Variants in PLA2G6 observed in about 807,000 individuals in gnomAD.
The protein encoded by PLA2G6 is 85/88 kDa calcium-independent phospholipase A2.
Under a neutral mutation model 83.8 loss-of-function variants are expected in PLA2G6, and 62 were observed. The ratio of observed to expected loss-of-function variants is 0.74; its 90% CI spans 0.60 to 0.91. PLA2G6 has a LOEUF of 0.91. Among genes scored for constraint, PLA2G6 ranks in the 40% least tolerant of loss-of-function variants. The pLI, the probability that PLA2G6 is intolerant of heterozygous loss-of-function variation, is 0.00. For missense variants in PLA2G6, 944 were observed against 1,102.0 expected (o/e 0.86, Z 2.03); for synonymous variants, 417 against 449.8 (o/e 0.93, Z 0.92).
intron 2 of PLA2G6, 131 bp from the exon 3 acceptor site, chr22:38,145,784 AACACACACACACACACAC>A (rs132936): frequency 2.8e-4 from 135 of 484,256 alleles, no homozygotes; most frequent in South Asian, 4.4e-4. Context: ...CTCCCAAGCA[AACACACACACACACACAC>A]ACACACACAC....
At chr22:38,144,637 A>G (rs1425401791) in intron 3 of PLA2G6, 29 of 130,904 alleles carry the variant, frequency 2.2e-4, no homozygotes, top group Admixed American at 2.1e-3. Context: ...CGTCTCAAAA[A>G]AAAAAAAAAA....
At chr22:38,177,042 CAAA>C (rs11471646) in intron 1 of PLA2G6, among the ~76,000 whole-genome samples, 3 of 129,412 alleles carry the variant, frequency 2.3e-5, no homozygotes, top group Admixed American at 1.6e-4. Context: ...GAGACTGTCT[CAAA>C]AAAAAAAAAA....
At chr22:38,112,334 C>A (rs1392426353) in intron 16 of PLA2G6, 29 bp from the exon 17 acceptor site, 2 of 1,610,682 alleles carry the variant, frequency 1.2e-6, no homozygotes, top group Non-Finnish European at 1.7e-6. Flanking sequence ...AGGGGGTCAC[C>A]CTAGGATGCT....
At chr22:38,131,642 G>A (rs982200478) in intron 7 of PLA2G6, 1 of 153,730 alleles carries the variant, frequency 6.5e-6, no homozygotes, top group Non-Finnish European at 1.4e-5. Flanking sequence ...TCAGCCTTTT[G>A]GGCAACAACA....
chr22:38,116,930 GA>G (rs934480252), intron 12 of PLA2G6, among the ~76,000 whole-genome samples: 3 of 147,616 alleles, frequency 2.0e-5, no homozygotes, highest in Non-Finnish European at 4.5e-5. Flanking sequence ...AGATGAAATG[GA>G]CACATTCCTA....
chr22:38,133,945 C>G (rs1401407653), intron 6 of PLA2G6: 1 of 152,108 alleles, frequency 6.6e-6, no homozygotes, highest in Non-Finnish European at 1.5e-5. Context: ...AAGTATTGAC[C>G]CTGGGTGTGT....
In PLA2G6 at chr22:38,132,529, C is replaced by T. The variant is rs1454375655; in HGVS notation, c.1077+302G>A. 5.8e-6 allele frequency: 3 copies of T among 513,850 alleles called. No homozygotes were observed. The highest frequency in any genetic ancestry group is 1.9e-5 in the African/African-American group (1 of 52,202). The allele number at this position is 513,850 out of a possible 1,614,324, so 31.8% of individuals were successfully genotyped here. On this transcript the variant is annotated intron_variant, in intron 7 of 16. Coordinates refer to ENST00000332509, the MANE Select transcript of PLA2G6 (RefSeq NM_003560.4). The surrounding 1 kb of genome is among the most constrained non-coding windows in gnomAD (Gnocchi z 5.0). Reference sequence around the variant, plus strand: ...CGAGGCTGACAGGTGACATGGCTTGCTCAGGGCCAGTCTATGGCCAGAGCT... The same window carrying T: ...CGAGGCTGACAGGTGACATGGCTTGTTCAGGGCCAGTCTATGGCCAGAGCT...
chr22:38,161,309 G>A (rs770010512), intron 2 of PLA2G6, among the ~76,000 whole-genome samples: 24 of 152,110 alleles, frequency 1.6e-4, no homozygotes, highest in Admixed American at 5.2e-4. Context: ...TTCACTTCCT[G>A]GTTTGCAGAT....
In PLA2G6 at chr22:38,120,754, C is replaced by A; in HGVS notation, c.1742+5G>T. ...CGGCCACGGCCCCAGTGCGCCAGGGCTTACTTGGGTTTCCTGACGTCCGTC... is the reference window on the plus strand; with the variant it reads ...CGGCCACGGCCCCAGTGCGCCAGGGATTACTTGGGTTTCCTGACGTCCGTC... On this transcript the variant is annotated splice_donor_5th_base_variant and intron_variant, in intron 12 of 16. Transcript: ENST00000332509. 1 of 1,613,604 alleles carries A rather than the reference C, an allele frequency of 6.2e-7. No homozygotes were observed. The highest frequency in any genetic ancestry group is 8.5e-7 in the Non-Finnish European group (1 of 1,180,014).
chr22:38,132,913 C>T lies in PLA2G6; in HGVS notation c.995G>A (p.Cys332Tyr), dbSNP rs780423461. ...HVAVMRNRFD[C>Y]AIVLLTHGAN... ...CCCGTGGGTCAGCAGCACTATGGCA[C>T]AGTCGAAGCGGTTGCGCATCACCGC... Residue 332 changes from cysteine to tyrosine, a missense_variant, in exon 7 of 17, where the codon TGT (cysteine) becomes TAT (tyrosine). Transcript: ENST00000332509. This position sits in a 1 kb window ranked among gnomAD's most constrained non-coding sequence, Gnocchi z 5.0. The T allele has an allele frequency of 3.9e-6, 6 of 1,556,810 alleles. No homozygotes were observed. Among genetic ancestry groups the T allele is most frequent in the Non-Finnish European group, 5.2e-6 (6 of 1,150,750 alleles).
chr22:38,122,193 T>C (rs2087564544), intron 11 of PLA2G6, among the ~76,000 whole-genome samples: 1 of 152,010 alleles, frequency 6.6e-6, no homozygotes, highest in Admixed American at 6.6e-5. Context: ...CAGGCCCTGA[T>C]ACCCACCCTA....
chr22:38,126,487 G>A (rs2087868691), intron 9 of PLA2G6, 38 bp from the exon 10 acceptor site: 1 of 1,541,590 alleles, frequency 6.5e-7, no homozygotes, highest in Non-Finnish European at 8.9e-7. Context: ...TGGTCAGGTG[G>A]GTCCCCAAGC....
chr22:38,178,076 C>G (rs133025), intron 1 of PLA2G6, among the ~76,000 whole-genome samples: 151,464 of 152,334 alleles, frequency 0.99, 75,301 homozygotes, highest in Middle Eastern at 1. Flanking sequence ...TCATTCACTC[C>G]GCTTGGCTGG....
intron 2 of PLA2G6, among the ~76,000 whole-genome samples, chr22:38,158,282 G>A (rs80066746): frequency 4.7e-5 from 7 of 148,644 alleles, no homozygotes; most frequent in South Asian, 4.3e-4. Context: ...TGATTCTCCC[G>A]CTTCAGCCTC....
chr22:38,120,038 C>T (rs2087434446), intron 12 of PLA2G6, among the ~76,000 whole-genome samples: 1 of 152,106 alleles, frequency 6.6e-6, no homozygotes, highest in African/African-American at 2.4e-5. Context: ...AGAGGGGATG[C>T]CGGGCCCCTA....
chr22:38,142,022 C>T (rs2088937846), intron 4 of PLA2G6: 2 of 151,658 alleles, frequency 1.3e-5, no homozygotes, highest in African/African-American at 4.9e-5. Context: ...TGGCAAAACC[C>T]CATCCCTACT....
At position 38,116,169 on chromosome 22, in the gene PLA2G6, T is replaced by A. The variant is rs2087181271; in HGVS notation, c.1785A>T (p.Glu595Asp). The A allele has an allele frequency of 1.2e-6, 2 of 1,613,176 alleles. No individual in the cohort carries two copies. Among genetic ancestry groups the A allele is most frequent in the South Asian group, 2.2e-5 (2 of 91,046 alleles). Residue 595 changes from glutamate to aspartate, a missense_variant, in exon 13 of 17, where the codon GAA (glutamate) becomes GAT (aspartate). By Grantham distance (45) the Glu-to-Asp change is conservative. Transcript: ENST00000332509. ...CATCGTAGTTCCGGAAGAGGTGGAG[T>A]TCAGCCGGCTGCCGGTCAGACAGTG... is the stretch of plus-strand genomic sequence containing the variant. ...TGTLSDRQPAELHLFRNYDAP... is the reference protein window; with the variant it reads ...TGTLSDRQPADLHLFRNYDAP...
chr22:38,119,596 C>T (rs981819084), intron 12 of PLA2G6, among the ~76,000 whole-genome samples: 1 of 152,062 alleles, frequency 6.6e-6, no homozygotes, highest in Non-Finnish European at 1.5e-5. Context: ...GAAACCAAGG[C>T]GGGAGGATCG....
At chr22:38,176,300 C>A (rs1418933811) in intron 1 of PLA2G6, among the ~76,000 whole-genome samples, 2 of 152,134 alleles carry the variant, frequency 1.3e-5, no homozygotes, top group Non-Finnish European at 2.9e-5. Context: ...AGCAGAGGAG[C>A]CGGACAGCTG....
Sources: gnomAD v4.1 joint callset for allele counts (sites outside exome capture counted in the v4.1 genomes callset) on GRCh38, gnomAD v4.1.1 for gene constraint, Gnocchi (gnomAD v3.1) non-coding constraint, MANE v1.5 for transcripts, NCBI Gene and HGNC (gene_info 2026-07-23, HGNC 2026-07-21) for gene names.